MTMR8: variants seen among roughly 807,000 people sequenced by gnomAD.
MTMR8 encodes phosphatidylinositol-3,5-bisphosphate 3-phosphatase MTMR8.
A neutral mutation model predicts 39.3 loss-of-function variants in MTMR8; 65 were observed. The observed-to-expected ratio is 1.65, with a 90% CI of 1.35 to 2.03. The LOEUF (loss-of-function observed/expected upper bound fraction) is 2.03, where lower values mean the gene tolerates loss of function less well. Ranked by LOEUF, MTMR8 falls within the 30% of genes most tolerant of loss-of-function variation. MTMR8 has a pLI of 0.00. For missense variants in MTMR8, 777 were observed against 538.9 expected (o/e 1.44, Z -4.37); for synonymous variants, 245 against 185.2 (o/e 1.32, Z -2.62).
chrX:64,290,587 T>TA (rs1397296005), intron 12 of MTMR8, among the ~76,000 whole-genome samples: 3 of 110,653 alleles, frequency 2.7e-5, no homozygotes, highest in Admixed American at 9.7e-5. Flanking sequence ...TGCTCTCCTT[T>TA]AGTAGCCACA....
intron 1 of MTMR8, chrX:64,360,301 C>G (rs1403717363): frequency 3.9e-6 from 1 of 255,448 alleles, no homozygotes; most frequent in Non-Finnish European, 7.2e-6. Flanking sequence ...CGAACTATAT[C>G]AAGCAACTAG....
chrX:64,325,365 T>G (rs752304906), intron 12 of MTMR8, among the ~76,000 whole-genome samples: 1 of 111,848 alleles, frequency 8.9e-6, no homozygotes, highest in Admixed American at 9.5e-5. Context: ...AGAATATCCC[T>G]GATGAACACA....
chrX:64,315,021 CT>C (rs1445454862), intron 12 of MTMR8, among the ~76,000 whole-genome samples: 6 of 111,751 alleles, frequency 5.4e-5, no homozygotes, highest in African/African-American at 2.0e-4. Context: ...ACTAGTTCCC[CT>C]AAGACTAAAG....
intron 12 of MTMR8, among the ~76,000 whole-genome samples, chrX:64,311,767 CT>C (rs1193336126): frequency 4.6e-3 from 375 of 80,856 alleles, no homozygotes; most frequent in South Asian, 0.015. Flanking sequence ...TTCCCCATTG[CT>C]TTTTTTTTTT....
At chrX:64,275,647 TCAAAA>T (rs1931856613) in intron 12 of MTMR8, among the ~76,000 whole-genome samples, 1 of 69,927 alleles carries the variant, frequency 1.4e-5, no homozygotes, top group African/African-American at 7.2e-5. Context: ...TGAGTCTCTC[TCAAAA>T]AAAAAAAAAA....
intron 12 of MTMR8, among the ~76,000 whole-genome samples, chrX:64,300,942 A>G (rs1470380615): frequency 9.2e-6 from 1 of 109,285 alleles, no homozygotes; most frequent in African/African-American, 3.3e-5. Context: ...CTGCCGAGAG[A>G]TCCGCTGTTA....
At chrX:64,359,272 T>C in intron 2 of MTMR8, 133 bp downstream of exon 2, 1 of 596,250 alleles carries the variant, frequency 1.7e-6, no homozygotes, top group Non-Finnish European at 2.3e-6. Flanking sequence ...AAAAGATTAT[T>C]AGAATAGGTC....
At chrX:64,355,972 C>T in intron 3 of MTMR8, among the ~76,000 whole-genome samples, 1 of 110,700 alleles carries the variant, frequency 9.0e-6, no homozygotes, top group Middle Eastern at 4.6e-3. Context: ...CAAAACAATC[C>T]CCTTGAAGAG....
intron 1 of MTMR8, among the ~76,000 whole-genome samples, chrX:64,370,807 G>A (rs1924111205): frequency 9.0e-6 from 1 of 111,368 alleles, no homozygotes; most frequent in Non-Finnish European, 1.9e-5. Context: ...TATCCCCATG[G>A]TAAAGTGATG....
intron 12 of MTMR8, among the ~76,000 whole-genome samples, chrX:64,271,679 C>G (rs977939089): frequency 8.9e-6 from 1 of 112,661 alleles, no homozygotes; most frequent in Non-Finnish European, 1.9e-5. Flanking sequence ...TTGGACTGCA[C>G]ACCTAACATC....
rs754202467 is a variant in MTMR8 at position 64,356,235 on chromosome X, A to G, written c.251T>C (p.Leu84Ser). 14 of 1,207,393 alleles carry G rather than the reference A, an allele frequency of 1.2e-5. No homozygotes were observed. The highest frequency in any genetic ancestry group is 4.4e-5 in the Admixed American group (2 of 45,516). ...CKNFRVAHFVLDSDLVCHEVY... is the reference protein window; with the variant it reads ...CKNFRVAHFVSDSDLVCHEVY... ...CTCATGGCACACAAGGTCAGAATCTAAAACAAAGTGGGCCACCCGGAAATT... is the reference window on the plus strand; with the variant it reads ...CTCATGGCACACAAGGTCAGAATCTGAAACAAAGTGGGCCACCCGGAAATT... Residue 84 changes from leucine to serine, a missense_variant, in exon 3 of 14, where the codon TTA (leucine) becomes TCA (serine). By Grantham distance (145) the Leu-to-Ser change is moderately radical (BLOSUM62 -2). Coordinates refer to ENST00000374852, the MANE Select transcript of MTMR8 (RefSeq NM_017677.4).
chrX:64,348,283 T>TAG (rs1288369041), intron 6 of MTMR8, among the ~76,000 whole-genome samples: 1 of 110,779 alleles, frequency 9.0e-6, no homozygotes, highest in Non-Finnish European at 1.9e-5. Context: ...ATGTTGGTTG[T>TAG]AGTAAGTTTC....
chrX:64,339,569 G>A (rs983722947), intron 8 of MTMR8, among the ~76,000 whole-genome samples: 33 of 111,394 alleles, frequency 3.0e-4, no homozygotes, highest in African/African-American at 1.0e-3. Flanking sequence ...AGAGGAAAGA[G>A]GGCAATAACT....
At chrX:64,327,137 G>T (rs1249006176) in intron 12 of MTMR8, among the ~76,000 whole-genome samples, 2 of 111,349 alleles carry the variant, frequency 1.8e-5, no homozygotes, top group Non-Finnish European at 3.8e-5. Flanking sequence ...CAATTTTTTG[G>T]CTATGACTCT....
intron 3 of MTMR8, 87 bp from the exon 4 acceptor site, chrX:64,355,021 T>C: frequency 1.2e-6 from 1 of 857,485 alleles, no homozygotes; most frequent in Non-Finnish European, 1.6e-6. Flanking sequence ...TAGATTTCCT[T>C]TTCCTAAGGG....
At chrX:64,286,339 A>T (rs1921175176) in intron 12 of MTMR8, among the ~76,000 whole-genome samples, 1 of 111,892 alleles carries the variant, frequency 8.9e-6, no homozygotes, top group African/African-American at 3.3e-5. Flanking sequence ...CCAAACAAAA[A>T]AGTCCATGAC....
chrX:64,364,485 C>A (rs1013791574), intron 1 of MTMR8, among the ~76,000 whole-genome samples: 5 of 111,738 alleles, frequency 4.5e-5, no homozygotes, highest in Admixed American at 3.8e-4. Context: ...TGGAGTGGAC[C>A]GCCAGCAAAC....
chrX:64,308,359 C>T (rs553407372), intron 12 of MTMR8, among the ~76,000 whole-genome samples: 12 of 79,608 alleles, frequency 1.5e-4, no homozygotes, highest in South Asian at 6.6e-4. Flanking sequence ...TTAGTAGAGA[C>T]GGGGTTTCAC....
At chrX:64,321,786 C>T (rs754197008) in intron 12 of MTMR8, among the ~76,000 whole-genome samples, 3 of 111,910 alleles carry the variant, frequency 2.7e-5, no homozygotes, top group African/African-American at 9.7e-5. Context: ...TATAGTATTA[C>T]CTGTGGGTTT....
Sources: allele counts gnomAD v4.1 joint callset (sites outside exome capture counted in the v4.1 genomes callset), GRCh38; gene constraint gnomAD v4.1.1; transcripts MANE v1.5; gene names NCBI Gene and HGNC (gene_info 2026-07-23, HGNC 2026-07-21).